Variants in U2SURP observed in about 807,000 individuals in gnomAD.
U2SURP encodes U2 snRNP-associated SURP motif-containing protein.
U2SURP carries 9 observed loss-of-function variants against 144.9 expected under a neutral mutation model. That is an observed-to-expected ratio of 0.06 (90% CI 0.04 to 0.11). The LOEUF (loss-of-function observed/expected upper bound fraction) is 0.11, where lower values mean the gene tolerates loss of function less well. U2SURP is among the 10% of genes least tolerant of loss of function. U2SURP has a pLI of 1.00. For missense variants in U2SURP, 724 were observed against 1,226.7 expected, an observed-to-expected ratio of 0.59 and a Z score of 6.12; for synonymous variants, 408 against 396.8, an observed-to-expected ratio of 1.03 and a Z score of -0.33.
intron 25 of U2SURP, among the ~76,000 whole-genome samples, chr3:143,053,259 G>C (rs1196429609): frequency 6.6e-6 from 1 of 152,122 alleles, no homozygotes; most frequent in African/African-American, 2.4e-5. Context: ...GAAGAGCTCT[G>C]ACTCTAGAGC....
chr3:143,051,602 C>CAAAAAAAAAAAAAAAAAAAAAAAAAAAA (rs3041537), intron 25 of U2SURP, among the ~76,000 whole-genome samples: 1 of 90,630 alleles, frequency 1.1e-5, no homozygotes, highest in Non-Finnish European at 2.1e-5. Context: ...ACTGTCGTTG[C>CAAAAAAAAAAAAAAAAAAAAAAAAAAAA]AAAAAAAAAA....
At chr3:143,041,259 C>T (rs1934087568) in intron 23 of U2SURP, among the ~76,000 whole-genome samples, 1 of 151,772 alleles carries the variant, frequency 6.6e-6, no homozygotes, top group South Asian at 2.1e-4. Context: ...ATCTGAAACA[C>T]TTGTATAATT....
At chr3:143,047,628 A>AC (rs1206136024) in intron 24 of U2SURP, among the ~76,000 whole-genome samples, 1 of 32,424 alleles carries the variant, frequency 3.1e-5, no homozygotes, top group African/African-American at 1.9e-4. Context: ...CAGGGGGCTG[A>AC]CCCCCCCTCC....
chr3:143,046,326 T>TCC (rs1187584716), intron 24 of U2SURP, among the ~76,000 whole-genome samples: 14 of 147,746 alleles, frequency 9.5e-5, no homozygotes, highest in African/African-American at 2.9e-4. Context: ...TTTTTATTTT[T>TCC]TATTTTTTTT....
chr3:143,023,642 G>A (rs1342740473), intron 12 of U2SURP, among the ~76,000 whole-genome samples: 2 of 152,260 alleles, frequency 1.3e-5, no homozygotes, highest in South Asian at 2.1e-4. Context: ...ACAAAGTAGC[G>A]AACTGTATGG....
chr3:143,049,770 A>G (rs1258423385), intron 24 of U2SURP, among the ~76,000 whole-genome samples: 1 of 152,122 alleles, frequency 6.6e-6, no homozygotes, highest in Non-Finnish European at 1.5e-5. Flanking sequence ...TATTCTTTTT[A>G]CTATTTTTAT....
chr3:143,037,608 T>C (rs112244617), intron 21 of U2SURP, among the ~76,000 whole-genome samples: 1 of 152,138 alleles, frequency 6.6e-6, no homozygotes. Context: ...CAAGTTTCTC[T>C]TTTTGTCTTG....
intron 19 of U2SURP, 67 bp downstream of exon 19, chr3:143,035,042 C>A: frequency 1.3e-6 from 1 of 757,300 alleles, no homozygotes; most frequent in Non-Finnish European, 2.2e-6. Flanking sequence ...CATTGAAGGG[C>A]TAGAAAAGTG....
In U2SURP at chr3:143,038,926, C is replaced by A. The variant is rs1933952524; in HGVS notation, c.2350C>A (p.Gln784Lys). The A allele has an allele frequency of 4.5e-6, 7 of 1,543,616 alleles. No individual in the cohort carries two copies. The highest frequency in any genetic ancestry group is 6.1e-6 in the Non-Finnish European group (7 of 1,147,452). ...VTTSKWELFDQHEESEEEENQ... is the reference protein window; with the variant it reads ...VTTSKWELFDKHEESEEEENQ... ...AACTTCTAAATGGGAATTATTTGACCAGCATGAAGAATCAGAAGAAGAAGA... is the reference window on the plus strand; with the variant it reads ...AACTTCTAAATGGGAATTATTTGACAAGCATGAAGAATCAGAAGAAGAAGA... Residue 784 changes from glutamine (Q) to lysine (K), a missense_variant, in exon 23 of 28, where the codon CAG (glutamine) becomes AAG (lysine). Gln to Lys is a moderately conservative substitution (Grantham distance 53). Transcript: ENST00000473835.
At chr3:143,043,989 G>A (rs1186563490) in intron 24 of U2SURP, among the ~76,000 whole-genome samples, 4 of 151,878 alleles carry the variant, frequency 2.6e-5, no homozygotes, top group African/African-American at 7.3e-5. Flanking sequence ...TCCTGACCTC[G>A]TGATCCGCCC....
intron 4 of U2SURP, among the ~76,000 whole-genome samples, chr3:143,015,754 T>C (rs1936340671): frequency 6.6e-6 from 1 of 152,028 alleles, no homozygotes. Flanking sequence ...TTTGGGGACA[T>C]TTAGAATAAT....
intron 17 of U2SURP, 38 bp downstream of exon 17, chr3:143,032,984 A>T: frequency 6.3e-7 from 1 of 1,591,960 alleles, no homozygotes; most frequent in Non-Finnish European, 8.5e-7. Flanking sequence ...GAGATAGTTG[A>T]CGTCTTTTGG....
rs1578182754 is a variant in U2SURP, at chr3:143,057,095, G to T, written c.*645G>T. The T allele has an allele frequency of 6.6e-6, 1 of 152,550 alleles. No individual in the cohort carries two copies. The highest frequency in any genetic ancestry group is 3.4e-3 in the Middle Eastern group (1 of 294). The allele number at this position is 152,550 out of a possible 1,614,324, so 9.4% of individuals were successfully genotyped here. On this transcript the variant is annotated 3_prime_UTR_variant, in exon 28 of 28. Coordinates refer to ENST00000473835, the MANE Select transcript of U2SURP (RefSeq NM_001080415.2). ...ATACCCAGATATCAAAGACTAGGTA[G>T]ATATGGCATGGCGTTTTGTTAGTGG...
rs1299929077 is a variant in U2SURP at position 143,054,948 on chromosome 3, G to A, written c.2780G>A (p.Arg927Lys). The stretch of plus-strand genomic sequence containing the variant: ...TTGGGGGCTTTGTTCCATAGGAAGA[G>A]GCGACACAGTACATCCCCCAGCCCA... ...ECTPTRKERK[R>K]RHSTSPSPSR... The change falls in exon 27 of 28, where the codon AGG becomes AAG. Residue 927 changes from arginine (R) to lysine (K), a missense_variant. By Grantham distance (26) the Arg-to-Lys change is conservative. This residue lies in a region of U2SURP where 129 missense variants were observed against 196.1 expected (regional missense o/e 0.66). Transcript: ENST00000473835. 1 of 1,596,936 alleles carries A rather than the reference G, an allele frequency of 6.3e-7. No homozygotes were observed. The highest frequency in any genetic ancestry group is 8.5e-7 in the Non-Finnish European group (1 of 1,174,672).
At chr3:143,021,433 T>C (rs764167626) in intron 9 of U2SURP, 40 bp from the exon 10 acceptor site, 37 of 1,610,610 alleles carry the variant, frequency 2.3e-5, no homozygotes, top group Non-Finnish European at 3.1e-5. Flanking sequence ...CCAAACTTTA[T>C]GTTTTGCAGG....
chr3:143,026,855 T>A lies in U2SURP; in HGVS notation c.1275-294T>A, dbSNP rs139684329. On this transcript the variant is annotated intron_variant, in intron 13 of 27. Transcript: ENST00000473835. ...TTAGTTGTGATTTATAATTTAATGT[T>A]TTACTTTTGGAAAATAAGTGACATT... 9.5e-5 allele frequency: 19 copies of A among 199,048 alleles called. No individual in the cohort carries two copies. The East Asian group carries it at 2.1e-3, about 22-fold the overall frequency. The allele number at this position is 199,048 out of a possible 1,614,324, so 12.3% of individuals were successfully genotyped here. A position where few individuals can be genotyped will look rare whatever the true frequency, so the allele number is the denominator to read the frequency against.
At chr3:143,053,906 A>G (rs1935015375) in intron 26 of U2SURP, 112 bp downstream of exon 26, 1 of 939,986 alleles carries the variant, frequency 1.1e-6, no homozygotes, top group African/African-American at 1.7e-5. Context: ...TTCATGATAA[A>G]CTTGTTTGGG....
intron 16 of U2SURP, among the ~76,000 whole-genome samples, chr3:143,030,425 A>G (rs1933412515): frequency 6.6e-6 from 1 of 152,262 alleles, no homozygotes. Context: ...ATCTGTTTAC[A>G]GCATGGTTTA....
intron 16 of U2SURP, among the ~76,000 whole-genome samples, chr3:143,030,109 A>G (rs994442300): frequency 5.9e-5 from 9 of 152,278 alleles, no homozygotes; most frequent in African/African-American, 2.2e-4. Flanking sequence ...CAAATTATCC[A>G]GAAGATCTGA....
Sources: allele counts gnomAD v4.1 joint callset (sites outside exome capture counted in the v4.1 genomes callset), GRCh38; gene constraint gnomAD v4.1.1; regional missense constraint gnomAD v4.1.1; transcripts MANE v1.5; gene names NCBI Gene and HGNC (gene_info 2026-07-23, HGNC 2026-07-21).